The following JAKMIP3 variants were observed in gnomAD, a reference collection of about 807,000 sequenced individuals.
JAKMIP3 encodes Janus kinase and microtubule interacting protein 3, also known as janus kinase and microtubule-interacting protein 3.
JAKMIP3 carries 58 observed loss-of-function variants against 118.5 expected under a neutral mutation model. The ratio of observed to expected loss-of-function variants is 0.49; its 90% CI spans 0.40 to 0.61. The LOEUF (loss-of-function observed/expected upper bound fraction) is 0.61. Among genes scored for constraint, JAKMIP3 ranks in the 20% least tolerant of loss-of-function variants. The probability of loss-of-function intolerance (pLI) is 0.00; values close to 1 mark genes in which losing one functional copy is unlikely to be tolerated. For synonymous variants in JAKMIP3, 486 were observed against 451.2 expected (o/e 1.08, Z -0.98); for missense variants, 950 against 1,109.0 (o/e 0.86, Z 2.04).
At chr10:132,095,581 G>A (rs1453149388) in intron 1 of JAKMIP3, among the ~76,000 whole-genome samples, 1 of 152,192 alleles carries the variant, frequency 6.6e-6, no homozygotes, top group Admixed American at 6.5e-5. Flanking sequence ...AGGTCCTGCA[G>A]GAGCAATCTG....
chr10:132,109,776 C>G lies in JAKMIP3; in HGVS notation c.135+4833C>G, dbSNP rs981356764. Among the ~76,000 whole-genome samples, 21 of 152,326 alleles carry G rather than the reference C, an allele frequency of 1.4e-4. No individual in the cohort carries two copies. In the East Asian group the frequency reaches 3.1e-3, roughly 22 times the overall value. On this transcript the variant is annotated intron_variant, in intron 2 of 23. Coordinates refer to ENST00000684848, the MANE Select transcript of JAKMIP3 (RefSeq NM_001323087.2). Reference sequence around the variant, plus strand: ...TGGTCAGAAACAGGACTATGGGAAGCCTTCGGGGCCCCTGGGCTCTTGCAG... The same window carrying G: ...TGGTCAGAAACAGGACTATGGGAAGGCTTCGGGGCCCCTGGGCTCTTGCAG...
intron 5 of JAKMIP3, among the ~76,000 whole-genome samples, chr10:132,135,727 G>T (rs10781560): frequency 0.29 from 43,931 of 152,038 alleles, 7,549 homozygotes; most frequent in Non-Finnish European, 0.4. Context: ...GGCACTGGAC[G>T]AGCAGGTTCA....
chr10:132,149,414 G>A lies in JAKMIP3; in HGVS notation c.1851G>A (p.Glu617=), dbSNP rs1159459400. ...ACCCTTCTGTCCCTCTGTCCTAGGAGAGGGAGAGGAAGTCACCCGCCATCA... is the reference window on the plus strand; with the variant it reads ...ACCCTTCTGTCCCTCTGTCCTAGGAAAGGGAGAGGAAGTCACCCGCCATCA... The part of the protein sequence containing the change: ...LLEFRILELE[E]RERKSPAISF... The change falls in exon 15 of 24, where the codon GAG becomes GAA. Residue 617 remains glutamate, a splice_region_variant and synonymous_variant. Coordinates refer to ENST00000684848, the MANE Select transcript of JAKMIP3 (RefSeq NM_001323087.2). 6.3e-7 allele frequency: 1 copy of A among 1,596,050 alleles called. No individual in the cohort carries two copies. Among genetic ancestry groups the A allele is most frequent in the Non-Finnish European group, 8.5e-7 (1 of 1,171,172 alleles).
intron 5 of JAKMIP3, 133 bp downstream of exon 5, chr10:132,135,293 CCTGA>C (rs1316559635): frequency 1.8e-5 from 16 of 892,250 alleles, no homozygotes; most frequent in Non-Finnish European, 2.5e-5. Context: ...GTCGAAGTCT[CCTGA>C]CTGTGTTCCA....
chr10:132,078,488 C>A (rs915856739), intron 1 of JAKMIP3, among the ~76,000 whole-genome samples: 1 of 152,060 alleles, frequency 6.6e-6, no homozygotes, highest in Non-Finnish European at 1.5e-5. Context: ...TCCCTTTAAT[C>A]CATTTAGAAT....
intron 3 of JAKMIP3, among the ~76,000 whole-genome samples, chr10:132,129,717 C>A (rs1013518687): frequency 6.6e-6 from 1 of 152,088 alleles, no homozygotes; most frequent in Non-Finnish European, 1.5e-5. Flanking sequence ...GCTGTGTGTC[C>A]GGGGCCCTGT....
intron 21 of JAKMIP3, among the ~76,000 whole-genome samples, chr10:132,165,759 T>C (rs564332931): frequency 4.1e-4 from 62 of 152,198 alleles, no homozygotes; most frequent in Non-Finnish European, 8.1e-4. Context: ...TCGTAGGCGG[T>C]GACACCCATG....
Position 132,118,436 on chromosome 10 carries a change from C to T in JAKMIP3, c.633+862C>T, listed in dbSNP as rs537835838. ...CCCAGCCCTGTGCCTCTTCAGGACC[C>T]GGAGCCCCGGGCACCTTGGGTGGGA... On this transcript the variant is annotated intron_variant, in intron 3 of 23. Coordinates refer to ENST00000684848, the MANE Select transcript of JAKMIP3 (RefSeq NM_001323087.2). This position sits in a 1 kb window ranked among gnomAD's most constrained non-coding sequence, Gnocchi z 4.8. 8.5e-5 allele frequency among the ~76,000 whole-genome samples: 13 copies of T among 152,260 alleles called. No homozygotes were observed. Among genetic ancestry groups the T allele is most frequent in the East Asian group, 5.8e-4 (3 of 5,168 alleles).
intron 1 of JAKMIP3, among the ~76,000 whole-genome samples, chr10:132,078,632 G>A (rs944367407): frequency 2.0e-5 from 3 of 146,642 alleles, no homozygotes; most frequent in African/African-American, 7.8e-5. Context: ...GGGGGGGGGG[G>A]GGTCCCGTTT....
intron 2 of JAKMIP3, among the ~76,000 whole-genome samples, chr10:132,111,588 C>A (rs1350019056): frequency 1.3e-5 from 2 of 151,788 alleles, no homozygotes; most frequent in Non-Finnish European, 2.9e-5. Context: ...CCTGGGGACA[C>A]TTTGGAGGGA....
intron 1 of JAKMIP3, among the ~76,000 whole-genome samples, chr10:132,047,031 C>T (rs933276046): frequency 6.6e-6 from 1 of 152,090 alleles, no homozygotes. Flanking sequence ...ACTGCAGGTG[C>T]CACCACACCC....
chr10:132,139,994 G>A (rs912521298), intron 9 of JAKMIP3, among the ~76,000 whole-genome samples: 6 of 152,178 alleles, frequency 3.9e-5, no homozygotes, highest in Non-Finnish European at 5.9e-5. Flanking sequence ...GGTCCCCAAA[G>A]GCAGGGCCTC....
intron 23 of JAKMIP3, among the ~76,000 whole-genome samples, chr10:132,176,676 A>AT (rs1050195556): frequency 3.3e-5 from 5 of 152,090 alleles, no homozygotes; most frequent in East Asian, 1.9e-4. Context: ...GTTAACGGGC[A>AT]TTTTTTTGGG....
intron 1 of JAKMIP3, among the ~76,000 whole-genome samples, chr10:132,070,082 C>T (rs1271316793): frequency 6.6e-6 from 1 of 152,108 alleles, no homozygotes; most frequent in African/African-American, 2.4e-5. Context: ...GGCACCAACT[C>T]CCAGTGAGTG....
At chr10:132,140,026 C>T (rs1037356809) in intron 9 of JAKMIP3, among the ~76,000 whole-genome samples, 4 of 152,158 alleles carry the variant, frequency 2.6e-5, no homozygotes, top group African/African-American at 9.7e-5. Context: ...GGCGGAGGAC[C>T]CCGTTTTTGT....
intron 1 of JAKMIP3, among the ~76,000 whole-genome samples, chr10:132,056,651 CTTTT>C (rs1318460518): frequency 6.6e-6 from 1 of 152,202 alleles, no homozygotes; most frequent in Non-Finnish European, 1.5e-5. Flanking sequence ...CTGTCATTTT[CTTTT>C]TGTGAGGCCA....
At position 132,168,179 on chromosome 10, in the gene JAKMIP3, G is replaced by T. The variant is rs2059143328; in HGVS notation, c.*249G>T. On this transcript the variant is annotated 3_prime_UTR_variant, in exon 23 of 24. Coordinates refer to ENST00000684848, the MANE Select transcript of JAKMIP3 (RefSeq NM_001323087.2). ...ACTTCTCGGGGGCTTCTCCGGGACG[G>T]GCCTGGCCTTGGCTGCTGGACCCTG... 2 of 1,288,000 alleles carry T rather than the reference G, an allele frequency of 1.6e-6. No homozygotes were observed. The highest frequency in any genetic ancestry group is 2.5e-5 in the South Asian group (2 of 80,894). 79.8% of individuals were successfully genotyped at this position (1,288,000 alleles called of 1,614,324 possible). A position where few individuals can be genotyped will look rare whatever the true frequency, so the allele number is the denominator to read the frequency against.
intron 3 of JAKMIP3, among the ~76,000 whole-genome samples, chr10:132,123,163 A>G (rs879401768): frequency 6.6e-6 from 1 of 152,202 alleles, no homozygotes; most frequent in East Asian, 1.9e-4. Flanking sequence ...TGCGATGACC[A>G]GTGCCCCATC....
chr10:132,135,698 G>A (rs914637736), intron 5 of JAKMIP3, among the ~76,000 whole-genome samples: 24 of 152,310 alleles, frequency 1.6e-4, no homozygotes, highest in African/African-American at 5.3e-4. Context: ...CTAGGGCACC[G>A]GGCGAGCGGG....
Sources: allele counts gnomAD v4.1 joint callset (sites outside exome capture counted in the v4.1 genomes callset), GRCh38; gene constraint gnomAD v4.1.1; non-coding constraint Gnocchi (gnomAD v3.1); transcripts MANE v1.5; gene names NCBI Gene and HGNC (gene_info 2026-07-23, HGNC 2026-07-21).